Variants in ALKBH8 observed in about 807,000 individuals in gnomAD.
ALKBH8 encodes alkB homolog 8, tRNA methyltransferase, also known as tRNA (carboxymethyluridine(34)-5-O)-methyltransferase ALKBH8.
ALKBH8 carries 36 observed loss-of-function variants against 59.8 expected under a neutral mutation model. The observed-to-expected ratio is 0.60, with a 90% CI of 0.46 to 0.79. ALKBH8 has a LOEUF of 0.79. ALKBH8 is among the 30% of genes least tolerant of loss of function. ALKBH8 has a pLI of 0.00. For synonymous variants in ALKBH8, 276 were observed against 273.6 expected (o/e 1.01, Z -0.09); for missense variants, 768 against 801.0 (o/e 0.96, Z 0.50).
chr11:107,565,481 T>C lies in ALKBH8; in HGVS notation c.-7+120A>G. On this transcript the variant is annotated intron_variant, in intron 1 of 11. Transcript: ENST00000428149. ...GCACCAAGGGCGCCTCTGGGATCCA[T>C]CCCCTTTCCCTAGGTTCTCAGCCCT... is the stretch of plus-strand genomic sequence containing the variant. 6 of 1,434,698 alleles carry C rather than the reference T, an allele frequency of 4.2e-6. No individual in the cohort carries two copies. In the South Asian group the frequency reaches 5.2e-5, roughly 12 times the overall value. 88.9% of individuals were successfully genotyped at this position (1,434,698 alleles called of 1,614,324 possible).
chr11:107,551,808 C>T lies in ALKBH8; in HGVS notation c.700G>A (p.Gly234Arg), dbSNP rs1175093452. Residue 234 changes from glycine to arginine, a missense_variant and splice_region_variant, in exon 6 of 12, where the codon GGA becomes AGA. By Grantham distance (125) the Gly-to-Arg change is moderately radical (BLOSUM62 -2). Transcript: ENST00000428149. ...MTINQYEPGQGIPAHIDTHSA... is the reference protein window; with the variant it reads ...MTINQYEPGQRIPAHIDTHSA... ...AAATTTTTGAACAAGAAATACTCAC[C>T]TTGCCCAGGTTCATACTGATTTATG... 1 of 1,531,476 alleles carries T rather than the reference C, an allele frequency of 6.5e-7. No individual in the cohort carries two copies. Among genetic ancestry groups the T allele is most frequent in the African/African-American group, 1.4e-5 (1 of 69,974 alleles). The allele number at this position is 1,531,476 out of a possible 1,614,324, so 94.9% of individuals were successfully genotyped here. A position where few individuals can be genotyped will look rare whatever the true frequency, so the allele number is the denominator to read the frequency against.
At chr11:107,551,181 C>G (rs1213789397) in intron 6 of ALKBH8, among the ~76,000 whole-genome samples, 1 of 152,126 alleles carries the variant, frequency 6.6e-6, no homozygotes, top group Non-Finnish European at 1.5e-5. Flanking sequence ...TTCCATTACA[C>G]GTCTCCTATG....
intron 7 of ALKBH8, among the ~76,000 whole-genome samples, chr11:107,545,383 C>T (rs1864206987): frequency 6.6e-6 from 1 of 152,098 alleles, no homozygotes; most frequent in African/African-American, 2.4e-5. Flanking sequence ...ACTAAAAAAA[C>T]CCATTCAGCT....
At chr11:107,564,038 C>T (rs949990737) in intron 1 of ALKBH8, among the ~76,000 whole-genome samples, 27 of 152,274 alleles carry the variant, frequency 1.8e-4, no homozygotes, top group Middle Eastern at 3.4e-3. Context: ...TCTGACAAAG[C>T]CACTTCCCTG....
intron 2 of ALKBH8, among the ~76,000 whole-genome samples, chr11:107,559,120 T>C (rs925001866): frequency 2.0e-5 from 3 of 152,228 alleles, no homozygotes; most frequent in Admixed American, 6.5e-5. Flanking sequence ...TTGGCTCTCA[T>C]TCTTTCTTGC....
In ALKBH8 at chr11:107,504,588, A is replaced by C; in HGVS notation, c.*70T>G. On this transcript the variant is annotated 3_prime_UTR_variant, in exon 12 of 12. Transcript: ENST00000428149. ...AAGTTTTCTCTTTAATTAAAAGGGTAATTAATTTATTCTCTCTTTTTTTTT... is the reference window on the plus strand; with the variant it reads ...AAGTTTTCTCTTTAATTAAAAGGGTCATTAATTTATTCTCTCTTTTTTTTT... The C allele has an allele frequency of 6.8e-7, 1 of 1,481,382 alleles. No individual in the cohort carries two copies. Among genetic ancestry groups the C allele is most frequent in the Non-Finnish European group, 9.2e-7 (1 of 1,089,522 alleles). 91.8% of individuals were successfully genotyped at this position (1,481,382 alleles called of 1,614,324 possible). A position where few individuals can be genotyped will look rare whatever the true frequency, so the allele number is the denominator to read the frequency against.
Position 107,504,551 on chromosome 11 carries a change from G to A in ALKBH8, c.*107C>T, listed in dbSNP as rs770964832. Reference sequence around the variant, plus strand: ...CCAAATTTTTCTCAGCTTTCCTTTGGTACTTTCCCACAAGTTTTCTCTTTA... The same window carrying A: ...CCAAATTTTTCTCAGCTTTCCTTTGATACTTTCCCACAAGTTTTCTCTTTA... On this transcript the variant is annotated 3_prime_UTR_variant, in exon 12 of 12. Coordinates refer to ENST00000428149, the MANE Select transcript of ALKBH8 (RefSeq NM_138775.3). The A allele has an allele frequency of 1.1e-4, 161 of 1,404,818 alleles. No individual in the cohort carries two copies. The highest frequency in any genetic ancestry group is 1.5e-4 in the Non-Finnish European group (154 of 1,020,428). The allele number at this position is 1,404,818 out of a possible 1,614,324, so 87.0% of individuals were successfully genotyped here. A position where few individuals can be genotyped will look rare whatever the true frequency, so the allele number is the denominator to read the frequency against.
rs112849850 is a variant in ALKBH8, at chr11:107,542,302, A to C, written c.771+7451T>G. 5.2e-3 allele frequency among the ~76,000 whole-genome samples: 786 copies of C among 152,270 alleles called. 4 individuals carry two copies. Among genetic ancestry groups the C allele is most frequent in the African/African-American group, 0.018 (744 of 41,554 alleles). On this transcript the variant is annotated intron_variant, in intron 7 of 11. Coordinates refer to ENST00000428149, the MANE Select transcript of ALKBH8 (RefSeq NM_138775.3). Reference sequence around the variant, plus strand: ...AAAATAAAACAAAAGATAAAAGCAAAAAATCTTAAAAGAACCTAGAGAAAT... The same window carrying C: ...AAAATAAAACAAAAGATAAAAGCAACAAATCTTAAAAGAACCTAGAGAAAT...
At chr11:107,526,228 C>T (rs150446632) in intron 8 of ALKBH8, among the ~76,000 whole-genome samples, 39 of 152,016 alleles carry the variant, frequency 2.6e-4, no homozygotes, top group African/African-American at 7.0e-4. Context: ...ACACTCCAAC[C>T]GGCAATATAT....
chr11:107,565,358 T>C (rs1865088551), intron 1 of ALKBH8: 8 of 585,304 alleles, frequency 1.4e-5, no homozygotes, highest in Middle Eastern at 4.4e-4. Flanking sequence ...AAACAGAAGA[T>C]TGACACAGGC....
chr11:107,556,603 A>G (rs958277099), intron 3 of ALKBH8, among the ~76,000 whole-genome samples, 163 bp downstream of exon 3: 1 of 152,220 alleles, frequency 6.6e-6, no homozygotes, highest in Non-Finnish European at 1.5e-5. Flanking sequence ...TACTTGTCCC[A>G]TGCCTGGCAC....
At position 107,522,513 on chromosome 11, in the gene ALKBH8, G is replaced by T. The variant is rs906963620; in HGVS notation, c.1073C>A (p.Pro358His). The part of the protein sequence containing the change: ...VCDSQRKETP[P>H]SFPESDKEAS... Reference sequence around the variant, plus strand: ...TTCTTTATCACTCTCTGGAAATGAGGGGGGAGTCTCTTTCCTCTGGCTATC... The same window carrying T: ...TTCTTTATCACTCTCTGGAAATGAGTGGGGAGTCTCTTTCCTCTGGCTATC... Residue 358 changes from proline (P) to histidine (H), a missense_variant, in exon 10 of 12, where the codon CCC becomes CAC. By Grantham distance (77) the Pro-to-His change is moderately conservative (BLOSUM62 -2). Transcript: ENST00000428149. 6.4e-7 allele frequency: 1 copy of T among 1,551,566 alleles called. No homozygotes were observed. The highest frequency in any genetic ancestry group is 8.7e-7 in the Non-Finnish European group (1 of 1,146,918).
At chr11:107,513,974 G>C (rs2135480658) in intron 10 of ALKBH8, among the ~76,000 whole-genome samples, 1 of 152,064 alleles carries the variant, frequency 6.6e-6, no homozygotes, top group Non-Finnish European at 1.5e-5. Context: ...GAAATAATCT[G>C]TACACGGAAT....
Position 107,504,798 on chromosome 11 carries a change from G to T in ALKBH8, c.1855C>A (p.Pro619Thr). 6.4e-7 allele frequency: 1 copy of T among 1,551,846 alleles called. No homozygotes were observed. ...EPFGPIGSQD[P>T]SPVFHRYYHV... ...TAGTAACGATGAAACACAGGACTTG[G>T]GTCCTGGGATCCTATGGGACCAAAT... Residue 619 changes from proline to threonine, a missense_variant, in exon 12 of 12, where the codon CCA (proline) becomes ACA (threonine). Transcript: ENST00000428149.
At chr11:107,548,673 C>A (rs973996643) in intron 7 of ALKBH8, among the ~76,000 whole-genome samples, 12 of 152,000 alleles carry the variant, frequency 7.9e-5, no homozygotes, top group Admixed American at 5.9e-4. Flanking sequence ...TACACAAGCT[C>A]GGGAAGGGTT....
intron 10 of ALKBH8, among the ~76,000 whole-genome samples, chr11:107,521,015 CTA>C (rs1863087753): frequency 6.6e-6 from 1 of 152,088 alleles, no homozygotes; most frequent in Non-Finnish European, 1.5e-5. Context: ...CATAAGTAAT[CTA>C]TAGATAATTT....
chr11:107,507,271 A>T (rs569444248), intron 11 of ALKBH8, among the ~76,000 whole-genome samples: 2 of 152,268 alleles, frequency 1.3e-5, no homozygotes, highest in African/African-American at 4.8e-5. Flanking sequence ...AGTAACACAC[A>T]TTGTATTGTA....
rs1440473280 is a variant in ALKBH8 at position 107,522,459 on chromosome 11, T to C, written c.1127A>G (p.His376Arg). 1.3e-6 allele frequency: 2 copies of C among 1,551,788 alleles called. No homozygotes were observed. Among genetic ancestry groups the C allele is most frequent in the East Asian group, 2.4e-5 (1 of 40,916 alleles). ...CCCAGCAATCTCTTCATAAACCTGA[T>C]GGACGTACTCTTGCTCCAGCCGTGA... The part of the protein sequence containing the change: ...EASRLEQEYV[H>R]QVYEEIAGHF... The change falls in exon 10 of 12, where the codon CAT becomes CGT. Residue 376 changes from histidine to arginine, a missense_variant. By Grantham distance (29) the His-to-Arg change is conservative. Coordinates refer to ENST00000428149, the MANE Select transcript of ALKBH8 (RefSeq NM_138775.3).
chr11:107,558,919 C>T (rs1434245333), intron 2 of ALKBH8, among the ~76,000 whole-genome samples: 2 of 152,168 alleles, frequency 1.3e-5, no homozygotes, highest in African/African-American at 2.4e-5. Flanking sequence ...AATTATAATA[C>T]ATCCGATATG....
Sources: allele counts gnomAD v4.1 joint callset (sites outside exome capture counted in the v4.1 genomes callset), GRCh38; gene constraint gnomAD v4.1.1; transcripts MANE v1.5; gene names NCBI Gene and HGNC (gene_info 2026-07-23, HGNC 2026-07-21).